TULP3: variants seen among roughly 807,000 people sequenced by gnomAD.
TULP3 encodes the protein tubby-related protein 3.
TULP3 carries 38 observed loss-of-function variants against 50.7 expected under a neutral mutation model. That is an observed-to-expected ratio of 0.75 (90% CI 0.58 to 0.98). TULP3 has a LOEUF of 0.98. Among genes scored for constraint, TULP3 ranks in the 50% least tolerant of loss-of-function variants. The pLI is 0.00. For synonymous variants in TULP3, 183 were observed against 196.6 expected (o/e 0.93, Z 0.58); for missense variants, 550 against 568.0 (o/e 0.97, Z 0.32).
intron 1 of TULP3, among the ~76,000 whole-genome samples, chr12:2,898,079 C>CAAAAAAAAAAA (rs59718569): frequency 1.1e-5 from 1 of 93,196 alleles, no homozygotes; most frequent in Non-Finnish European, 2.2e-5. Context: ...AACTAGATCT[C>CAAAAAAAAAAA]AAAAAAAAAA....
chr12:2,932,077 A>G (rs35339666), intron 6 of TULP3, among the ~76,000 whole-genome samples: 40 of 152,042 alleles, frequency 2.6e-4, no homozygotes, highest in Non-Finnish European at 5.1e-4. Flanking sequence ...AGTCTAGGAG[A>G]GTTTAGGAAG....
intron 1 of TULP3, among the ~76,000 whole-genome samples, chr12:2,908,992 C>T (rs35270235): frequency 0.048 from 7,264 of 152,122 alleles, 265 homozygotes; most frequent in Non-Finnish European, 0.072. Context: ...AAATTTTTCC[C>T]GTCTTAGAAC....
intron 1 of TULP3, among the ~76,000 whole-genome samples, chr12:2,903,213 C>CGAAATGTATATTTTCTTTTTTTCTCTTTG (rs1565497792): frequency 6.6e-5 from 10 of 151,960 alleles, no homozygotes; most frequent in African/African-American, 2.2e-4. Context: ...AAAAAATTAC[C>CGAAATGTATATTTTCTTTTTTTCTCTTTG]AAAATGTATA....
In TULP3 at chr12:2,930,249, T is replaced by C; in HGVS notation, c.396T>C (p.Asp132=). 7 of 1,609,374 alleles carry C rather than the reference T, an allele frequency of 4.3e-6. No individual in the cohort carries two copies. The highest frequency in any genetic ancestry group is 5.9e-6 in the Non-Finnish European group (7 of 1,176,976). ...PGLQERLQKH[D]ISESVNFDEE... ...TAACAGTTCTTCCTTTTCTGCTAGA[T>C]ATCTCTGAAAGTGTGAACTTCGATG... The change falls in exon 5 of 11, where the codon GAT becomes GAC. Residue 132 remains aspartate (D), a splice_region_variant and synonymous_variant. Coordinates refer to ENST00000448120, the MANE Select transcript of TULP3 (RefSeq NM_003324.5).
At chr12:2,928,710 A>G (rs1305150062) in intron 4 of TULP3, among the ~76,000 whole-genome samples, 2 of 152,120 alleles carry the variant, frequency 1.3e-5, no homozygotes, top group African/African-American at 4.8e-5. Flanking sequence ...TGTGAGGCCA[A>G]GGTGGGCAGA....
At chr12:2,914,400 A>G (rs2098187449) in intron 2 of TULP3, among the ~76,000 whole-genome samples, 1 of 152,206 alleles carries the variant, frequency 6.6e-6, no homozygotes, top group Non-Finnish European at 1.5e-5. Context: ...CTGGGATTAC[A>G]GGCATGAGCT....
chr12:2,893,915 A>G (rs1057375911), intron 1 of TULP3, among the ~76,000 whole-genome samples: 3 of 151,698 alleles, frequency 2.0e-5, no homozygotes, highest in African/African-American at 4.9e-5. Flanking sequence ...AAGTGCTGGG[A>G]TTACAGGTGT....
In TULP3 at chr12:2,903,370, C is replaced by G. The variant is rs1401042326; in HGVS notation, c.42-6159C>G. On this transcript the variant is annotated intron_variant, in intron 1 of 10. Transcript: ENST00000448120. ...CTGAGGTCGGGAGTTCAAGTCCAGC[C>G]AGACCAACAGGGAGAAACCCCGTCT... 3.3e-5 allele frequency among the ~76,000 whole-genome samples: 5 copies of G among 151,472 alleles called. No homozygotes were observed. The East Asian group carries it at 7.9e-4, about 24-fold the overall frequency.
Position 2,890,928 on chromosome 12 carries a change from G to GCATGGA in TULP3, c.-20_-19insCATGGA, listed in dbSNP as rs2098171418. 9 of 1,592,806 alleles carry GCATGGA rather than the reference G, an allele frequency of 5.7e-6. No individual in the cohort carries two copies. The highest frequency in any genetic ancestry group is 7.7e-6 in the Non-Finnish European group (9 of 1,170,112). On this transcript the variant is annotated 5_prime_UTR_variant, in exon 1 of 11. It adds an upstream start codon to the 5' untranslated region. Coordinates refer to ENST00000448120, the MANE Select transcript of TULP3 (RefSeq NM_003324.5). ...GCGGGGAAGAGTGTGTACGTGGTGG[G>GCATGGA]GGCTTCCTCGGTGGCGGGCATGGAG...
rs183726561 is a variant in TULP3 at position 2,939,613 on chromosome 12, G to A, written c.*169G>A. ...CAAAGAGCAATAGTTTGCCCCTTTT[G>A]GAACGACCCCTGAATATATAAAACA... On this transcript the variant is annotated 3_prime_UTR_variant, in exon 11 of 11. Transcript: ENST00000448120. The surrounding 1 kb of genome is among the most constrained non-coding windows in gnomAD (Gnocchi z 4.0). 0.014 allele frequency: 16,996 copies of A among 1,204,560 alleles called. 239 individuals are homozygous for A. Among genetic ancestry groups the A allele is most frequent in the Non-Finnish European group, 0.017 (15,159 of 898,728 alleles). 74.6% of individuals were successfully genotyped at this position (1,204,560 alleles called of 1,614,324 possible).
intron 2 of TULP3, among the ~76,000 whole-genome samples, chr12:2,915,428 A>G (rs2098188057): frequency 6.6e-6 from 1 of 152,230 alleles, no homozygotes; most frequent in Admixed American, 6.5e-5. Context: ...TATTTGTATG[A>G]TGAGAGGTCA....
intron 2 of TULP3, among the ~76,000 whole-genome samples, chr12:2,919,058 A>G (rs933676536): frequency 6.6e-5 from 10 of 151,952 alleles, no homozygotes; most frequent in African/African-American, 2.4e-4. Context: ...ACGCAGGCCA[A>G]TTTTTGTATT....
At chr12:2,925,001 C>T (rs2098193899) in intron 4 of TULP3, among the ~76,000 whole-genome samples, 1 of 152,058 alleles carries the variant, frequency 6.6e-6, no homozygotes, top group South Asian at 2.1e-4. Context: ...CACGGTGAAA[C>T]CCTGTCTCTA....
chr12:2,897,261 C>T (rs1213002198), intron 1 of TULP3, among the ~76,000 whole-genome samples: 5 of 152,080 alleles, frequency 3.3e-5, no homozygotes, highest in African/African-American at 1.2e-4. Flanking sequence ...GCACCTGCCT[C>T]GGCCTCCTAA....
chr12:2,896,739 A>T (rs538899273), intron 1 of TULP3, among the ~76,000 whole-genome samples: 1 of 152,314 alleles, frequency 6.6e-6, no homozygotes, highest in Middle Eastern at 3.4e-3. Context: ...TTACAGAGAG[A>T]TATGAAACTC....
intron 2 of TULP3, among the ~76,000 whole-genome samples, chr12:2,911,434 G>C (rs2098185438): frequency 6.6e-6 from 1 of 151,498 alleles, no homozygotes; most frequent in Admixed American, 6.6e-5. Flanking sequence ...CTCACTGCAA[G>C]CTCCAACTCC....
At chr12:2,912,654 G>C (rs565000628) in intron 2 of TULP3, among the ~76,000 whole-genome samples, 63 of 152,210 alleles carry the variant, frequency 4.1e-4, no homozygotes, top group Admixed American at 2.0e-4. Flanking sequence ...AGCCAGTCTC[G>C]TAAGTGATGA....
chr12:2,920,726 A>C (rs1555113671), intron 2 of TULP3, 37 bp from the exon 3 acceptor site: 1 of 1,610,760 alleles, frequency 6.2e-7, no homozygotes, highest in Admixed American at 1.7e-5. Context: ...TCATGTCAAA[A>C]CTCTCCTTGC....
intron 1 of TULP3, among the ~76,000 whole-genome samples, chr12:2,905,084 C>CAA (rs10666277): frequency 0.52 from 73,844 of 141,518 alleles, 19,569 homozygotes; most frequent in Non-Finnish European, 0.58. Flanking sequence ...GACTCTGTCT[C>CAA]AAAAAAAAAA....
Sources: allele counts gnomAD v4.1 joint callset (sites outside exome capture counted in the v4.1 genomes callset), GRCh38; gene constraint gnomAD v4.1.1; non-coding constraint Gnocchi (gnomAD v3.1); transcripts MANE v1.5; gene names NCBI Gene and HGNC (gene_info 2026-07-23, HGNC 2026-07-21).